BANK1: variants seen among roughly 807,000 people sequenced by gnomAD.
The protein encoded by BANK1 is B-cell scaffold protein with ankyrin repeats.
A neutral mutation model predicts 94.5 loss-of-function variants in BANK1; 95 were observed. That is an observed-to-expected ratio of 1.00 (90% CI 0.85 to 1.19). BANK1 has a LOEUF of 1.19. Among genes scored for constraint, BANK1 ranks in the 50% most tolerant of loss-of-function variants. The pLI, the probability that BANK1 is intolerant of heterozygous loss-of-function variation, is 0.00. For synonymous variants in BANK1, 334 were observed against 308.4 expected (o/e 1.08, Z -0.87); for missense variants, 987 against 932.2 (o/e 1.06, Z -0.77).
chr4:102,001,270 A>G (rs1298024287), intron 7 of BANK1, among the ~76,000 whole-genome samples: 1 of 152,200 alleles, frequency 6.6e-6, no homozygotes, highest in Admixed American at 6.5e-5. Flanking sequence ...AGAAAGCCCA[A>G]AGTGTTTTAT....
chr4:101,928,023 C>T (rs931081676), intron 7 of BANK1, among the ~76,000 whole-genome samples: 5 of 151,598 alleles, frequency 3.3e-5, no homozygotes, highest in African/African-American at 1.2e-4. Flanking sequence ...GACAGATAAT[C>T]AAATTTTTGA....
chr4:101,998,006 G>T (rs775355827), intron 7 of BANK1, among the ~76,000 whole-genome samples: 2 of 152,146 alleles, frequency 1.3e-5, no homozygotes, highest in Non-Finnish European at 2.9e-5. Flanking sequence ...TAATTGCGAT[G>T]TAAGAGTGGC....
intron 7 of BANK1, among the ~76,000 whole-genome samples, chr4:101,931,381 T>G (rs1199130959): frequency 2.0e-5 from 3 of 151,556 alleles, no homozygotes; most frequent in African/African-American, 7.3e-5. Context: ...GGAATGTCTG[T>G]GTTTTCCTGC....
chr4:101,847,783 C>T (rs1727311698), intron 2 of BANK1, among the ~76,000 whole-genome samples: 1 of 148,710 alleles, frequency 6.7e-6, no homozygotes, highest in Non-Finnish European at 1.5e-5. Context: ...ACATATGTCT[C>T]ACACAGTTTC....
intron 7 of BANK1, among the ~76,000 whole-genome samples, chr4:101,925,829 A>T (rs1723135290): frequency 6.6e-6 from 1 of 151,638 alleles, no homozygotes; most frequent in Non-Finnish European, 1.5e-5. Flanking sequence ...GAACAGGGTA[A>T]CCTAGAGCTC....
intron 2 of BANK1, among the ~76,000 whole-genome samples, chr4:101,844,438 GCCTTT>G: frequency 6.6e-6 from 1 of 152,284 alleles, no homozygotes; most frequent in Middle Eastern, 3.4e-3. Flanking sequence ...GGTCATGAGG[GCCTTT>G]CCTATCTCAG....
intron 5 of BANK1, among the ~76,000 whole-genome samples, chr4:101,883,845 C>T (rs1042615845): frequency 1.6e-4 from 24 of 152,152 alleles, no homozygotes; most frequent in African/African-American, 5.3e-4. Flanking sequence ...GAAAATTAGA[C>T]GATCTGCTTC....
At position 102,030,259 on chromosome 4, in the gene BANK1, G is replaced by A; in HGVS notation, c.1894G>A (p.Ala632Thr). 6.4e-7 allele frequency: 1 copy of A among 1,568,826 alleles called. No homozygotes were observed. Among genetic ancestry groups the A allele is most frequent in the East Asian group, 2.2e-5 (1 of 44,546 alleles). ...PPKEETTPYIAQVFQQKTARR... is the reference protein window; with the variant it reads ...PPKEETTPYITQVFQQKTARR... ...AAAAGAGGAAACTACACCTTACATA[G>A]CTCAAGGTAATTATCATTGTTGTTT... The change falls in exon 10 of 17, where the codon GCT becomes ACT. Residue 632 changes from alanine to threonine, a missense_variant. Coordinates refer to ENST00000322953, the MANE Select transcript of BANK1 (RefSeq NM_017935.5).
At chr4:101,840,732 T>G (rs1289346283) in intron 2 of BANK1, among the ~76,000 whole-genome samples, 1 of 152,240 alleles carries the variant, frequency 6.6e-6, no homozygotes, top group African/African-American at 2.4e-5. Context: ...TTCGAGGCTC[T>G]CAGCTCTGAA....
Position 101,790,820 on chromosome 4 carries a change from G to T in BANK1, c.-61G>T. On this transcript the variant is annotated 5_prime_UTR_variant, in exon 1 of 17. Transcript: ENST00000322953. The stretch of plus-strand genomic sequence containing the variant: ...AAAATCGCGGGGAGTCTCTGGCCGG[G>T]AGAGTCCAGGTAGCGCTCGGCGGGC... 6.7e-7 allele frequency: 1 copy of T among 1,493,936 alleles called. No homozygotes were observed. Among genetic ancestry groups the T allele is most frequent in the Non-Finnish European group, 9.0e-7 (1 of 1,108,340 alleles). 92.5% of individuals were successfully genotyped at this position (1,493,936 alleles called of 1,614,324 possible). A position where few individuals can be genotyped will look rare whatever the true frequency, so the allele number is the denominator to read the frequency against.
intron 5 of BANK1, among the ~76,000 whole-genome samples, chr4:101,873,116 AT>A (rs5860700): frequency 0.44 from 66,651 of 151,788 alleles, 15,467 homozygotes; most frequent in African/African-American, 0.59. Flanking sequence ...CTACTCAGCC[AT>A]TTTTTTTAAG....
At chr4:101,998,968 G>T (rs1180064430) in intron 7 of BANK1, among the ~76,000 whole-genome samples, 1 of 152,072 alleles carries the variant, frequency 6.6e-6, no homozygotes, top group Non-Finnish European at 1.5e-5. Context: ...GATAAAGGGT[G>T]CAAAGAACAT....
rs76932146 is a variant in BANK1 at position 102,051,827 on chromosome 4, G to T, written c.1969+7920G>T. 7.8e-3 allele frequency among the ~76,000 whole-genome samples: 1,192 copies of T among 152,238 alleles called. 17 individuals carry two copies. The highest frequency in any genetic ancestry group is 0.027 in the African/African-American group (1,133 of 41,546). ...TAATGCTACACTTGGCTGGTCCTGG[G>T]ACTCTAAAGTAAAGCTCTAAAATGG... is the stretch of plus-strand genomic sequence containing the variant. On this transcript the variant is annotated intron_variant, in intron 11 of 16. Transcript: ENST00000322953.
In BANK1 at chr4:101,846,926, G is replaced by C. The variant is rs181712419; in HGVS notation, c.470-8109G>C. On this transcript the variant is annotated intron_variant, in intron 2 of 16. Coordinates refer to ENST00000322953, the MANE Select transcript of BANK1 (RefSeq NM_017935.5). The stretch of plus-strand genomic sequence containing the variant: ...ATAACTAGCTGTGTGGCCTTGAAGA[G>C]TTCATTTATTGCTCAGAACCTTATT... Among the ~76,000 whole-genome samples the C allele has an allele frequency of 3.6e-4, 55 of 152,276 alleles. No homozygotes were observed. In the East Asian group the frequency reaches 9.1e-3, roughly 25 times the overall value.
chr4:101,956,618 A>G (rs529924996), intron 7 of BANK1, among the ~76,000 whole-genome samples: 9 of 152,298 alleles, frequency 5.9e-5, no homozygotes, highest in African/African-American at 2.2e-4. Context: ...GCGGCAGGCT[A>G]ACAATGAAGC....
chr4:101,848,375 C>A (rs1727338089), intron 2 of BANK1, among the ~76,000 whole-genome samples: 1 of 152,146 alleles, frequency 6.6e-6, no homozygotes. Context: ...CTCCTCCTGT[C>A]CGCCATGATC....
At chr4:101,993,895 T>C (rs1230278870) in intron 7 of BANK1, among the ~76,000 whole-genome samples, 2 of 152,254 alleles carry the variant, frequency 1.3e-5, no homozygotes, top group African/African-American at 2.4e-5. Context: ...TGGTTTCTCC[T>C]GATTTATTTT....
At chr4:101,815,045 T>C (rs1439411203) in intron 1 of BANK1, among the ~76,000 whole-genome samples, 1 of 152,060 alleles carries the variant, frequency 6.6e-6, no homozygotes, top group African/African-American at 2.4e-5. Flanking sequence ...TGACAAAGAA[T>C]AAGGGAAGGG....
intron 7 of BANK1, among the ~76,000 whole-genome samples, chr4:101,974,917 G>A (rs566325712): frequency 8.5e-5 from 13 of 152,124 alleles, no homozygotes; most frequent in African/African-American, 2.9e-4. Context: ...AGATCATGCC[G>A]TTGCACTCCA....
Sources: allele counts gnomAD v4.1 joint callset (sites outside exome capture counted in the v4.1 genomes callset), GRCh38; gene constraint gnomAD v4.1.1; transcripts MANE v1.5; gene names NCBI Gene and HGNC (gene_info 2026-07-23, HGNC 2026-07-21).